The following NTRK3 variants were observed in gnomAD, a reference collection of about 807,000 sequenced individuals.
The protein encoded by NTRK3 is NT-3 growth factor receptor.
In NTRK3, 24 loss-of-function variants were observed where a neutral mutation model predicts 91.7. That is an observed-to-expected ratio of 0.26 (90% CI 0.19 to 0.37). The LOEUF (loss-of-function observed/expected upper bound fraction) is 0.37. Among genes scored for constraint, NTRK3 ranks in the 10% least tolerant of loss-of-function variants. The pLI is 1.00. For synonymous variants in NTRK3, 483 were observed against 404.0 expected (o/e 1.20, Z -2.34); for missense variants, 880 against 1,068.9 (o/e 0.82, Z 2.46).
At chr15:87,928,790 T>G (rs1311571664) in intron 17 of NTRK3, 2 of 295,270 alleles carry the variant, frequency 6.8e-6, no homozygotes, top group South Asian at 6.7e-5. Context: ...AAATGTGTCA[T>G]GGGTGAGGCT....
chr15:88,223,745 G>T (rs1264708878), intron 3 of NTRK3, among the ~76,000 whole-genome samples: 2 of 152,182 alleles, frequency 1.3e-5, no homozygotes, highest in African/African-American at 4.8e-5. Flanking sequence ...GTGGGCTACT[G>T]CACATTAAAA....
exon 19 of NTRK3, chr15:87,867,270 T>A (rs2064708773): frequency 4.4e-6 from 1 of 226,200 alleles, no homozygotes; most frequent in Non-Finnish European, 8.8e-6. Context: ...TTGGTTGATG[T>A]GCAGGCTAGG....
At chr15:88,035,958 CAA>C (rs2079035417) in intron 13 of NTRK3, among the ~76,000 whole-genome samples, 1 of 151,028 alleles carries the variant, frequency 6.6e-6, no homozygotes, top group East Asian at 1.9e-4. Context: ...GAAAATTAAA[CAA>C]AGAGGAAAGA....
At chr15:88,075,771 C>T (rs1334448391) in intron 13 of NTRK3, among the ~76,000 whole-genome samples, 1 of 152,174 alleles carries the variant, frequency 6.6e-6, no homozygotes, top group African/African-American at 2.4e-5. Flanking sequence ...GTAGAGGGAC[C>T]CTGAGCACCA....
At chr15:88,180,068 T>C (rs2046324993) in intron 5 of NTRK3, among the ~76,000 whole-genome samples, 1 of 152,168 alleles carries the variant, frequency 6.6e-6, no homozygotes, top group African/African-American at 2.4e-5. Flanking sequence ...ATTACTATCA[T>C]TACTAGCAAC....
intron 13 of NTRK3, among the ~76,000 whole-genome samples, chr15:88,092,606 CA>C (rs1349597394): frequency 1.3e-5 from 2 of 152,220 alleles, no homozygotes; most frequent in East Asian, 3.8e-4. Flanking sequence ...CCCACAAACT[CA>C]GTGGCTTATT....
intron 14 of NTRK3, among the ~76,000 whole-genome samples, chr15:87,994,079 C>T (rs1267790177): frequency 6.6e-6 from 1 of 152,036 alleles, no homozygotes; most frequent in Non-Finnish European, 1.5e-5. Context: ...ACACCCACAG[C>T]TGAGGGATTG....
At chr15:87,896,662 T>C (rs1242496882) in intron 17 of NTRK3, among the ~76,000 whole-genome samples, 1 of 151,532 alleles carries the variant, frequency 6.6e-6, no homozygotes, top group Non-Finnish European at 1.5e-5. Context: ...AGGGATATAT[T>C]AGTTTGGATA....
At chr15:88,097,687 C>G (rs991488923) in intron 13 of NTRK3, among the ~76,000 whole-genome samples, 4 of 152,138 alleles carry the variant, frequency 2.6e-5, no homozygotes, top group African/African-American at 9.7e-5. Context: ...GACAGATTTA[C>G]TTGGATTGAA....
intron 14 of NTRK3, among the ~76,000 whole-genome samples, chr15:87,998,580 A>G (rs1227331553): frequency 1.3e-5 from 2 of 152,194 alleles, no homozygotes; most frequent in Admixed American, 6.5e-5. Context: ...CCATATTCTG[A>G]TGCATTTTTA....
rs531080391 is a variant in NTRK3 at position 88,092,781 on chromosome 15, T to A, written c.1396+33490A>T. 2.0e-5 allele frequency among the ~76,000 whole-genome samples: 3 copies of A among 152,312 alleles called. No individual in the cohort carries two copies. The South Asian group carries it at 6.2e-4, about 32-fold the overall frequency. ...TGGCATTCCTTGGCTTGTGGCTACA[T>A]CACTCCAATCTTCAAGGCCAGCACC... On this transcript the variant is annotated intron_variant, in intron 13 of 18. Coordinates refer to ENST00000394480, the Ensembl canonical transcript of NTRK3.
intron 3 of NTRK3, among the ~76,000 whole-genome samples, chr15:88,192,490 C>T (rs1227171156): frequency 6.6e-6 from 1 of 152,178 alleles, no homozygotes; most frequent in Non-Finnish European, 1.5e-5. Context: ...CAAGCATCCC[C>T]TCCTACCTGG....
intron 18 of NTRK3, 52 bp downstream of exon 19, chr15:87,880,218 T>C (rs974921300): frequency 1.9e-5 from 31 of 1,609,048 alleles, no homozygotes; most frequent in Admixed American, 5.0e-5. Flanking sequence ...TGGGCTGAGA[T>C]AGCTCTTATG....
intron 3 of NTRK3, among the ~76,000 whole-genome samples, chr15:88,187,807 G>A (rs551098840): frequency 7.2e-5 from 11 of 151,902 alleles, no homozygotes; most frequent in Admixed American, 2.6e-4. Context: ...GGTGGTGGGC[G>A]CCTGTAATCC....
chr15:88,144,564 C>T (rs535307309), intron 6 of NTRK3, among the ~76,000 whole-genome samples: 1 of 152,216 alleles, frequency 6.6e-6, no homozygotes, highest in East Asian at 1.9e-4. Context: ...GAGAAACAGC[C>T]TGGTCTTTGG....
chr15:87,878,152 C>T (rs897280242), intron 18 of NTRK3, among the ~76,000 whole-genome samples: 1 of 152,116 alleles, frequency 6.6e-6, no homozygotes, highest in Non-Finnish European at 1.5e-5. Flanking sequence ...TCACTGACCC[C>T]GAACTTCAGT....
chr15:87,989,627 T>C (rs372003535), intron 14 of NTRK3, among the ~76,000 whole-genome samples: 3 of 151,798 alleles, frequency 2.0e-5, no homozygotes, highest in East Asian at 3.9e-4. Context: ...GTTGTGCACA[T>C]GTACCCTAGA....
At chr15:88,220,638 C>T (rs904967794) in intron 3 of NTRK3, among the ~76,000 whole-genome samples, 5 of 152,194 alleles carry the variant, frequency 3.3e-5, no homozygotes, top group African/African-American at 1.2e-4. Flanking sequence ...AGGAAGGCCC[C>T]TTTCCAGGCA....
intron 14 of NTRK3, among the ~76,000 whole-genome samples, chr15:88,017,314 TC>T (rs1209949083): frequency 6.6e-6 from 1 of 151,822 alleles, no homozygotes; most frequent in Non-Finnish European, 1.5e-5. Context: ...TTCATACAGC[TC>T]CCCCTTTAGA....
Sources: gnomAD v4.1 joint callset for allele counts (sites outside exome capture counted in the v4.1 genomes callset) on GRCh38, gnomAD v4.1.1 for gene constraint, MANE v1.5 for transcripts, NCBI Gene and HGNC (gene_info 2026-07-23, HGNC 2026-07-21) for gene names.